The following TPD52 variants were observed in gnomAD, a reference collection of about 807,000 sequenced individuals.
The protein encoded by TPD52 is tumor protein D52, also known as prostate and colon associated protein.
TPD52 carries 17 observed loss-of-function variants against 31.3 expected under a neutral mutation model. The ratio of observed to expected loss-of-function variants is 0.54; its 90% CI spans 0.37 to 0.82. TPD52 has a LOEUF of 0.82. Among genes scored for constraint, TPD52 ranks in the 40% least tolerant of loss-of-function variants. The pLI is 0.00. For missense variants in TPD52, 212 were observed against 240.1 expected, an observed-to-expected ratio of 0.88 and a Z score of 0.77; for synonymous variants, 83 against 89.6, an observed-to-expected ratio of 0.93 and a Z score of 0.42.
intron 7 of TPD52, 143 bp from the exon 8 acceptor site, chr8:80,038,378 A>C: frequency 7.0e-6 from 6 of 851,160 alleles, no homozygotes; most frequent in South Asian, 5.7e-5. Flanking sequence ...TATGGAATTT[A>C]GTATTGTTGC....
At chr8:80,119,722 C>G in intron 1 of TPD52, 1 of 187,940 alleles carries the variant, frequency 5.3e-6, no homozygotes, top group South Asian at 8.0e-5. Flanking sequence ...TTTAAAACCA[C>G]ACAGTACTGG....
intron 1 of TPD52, among the ~76,000 whole-genome samples, chr8:80,081,229 T>C (rs1240223723): frequency 1.3e-5 from 2 of 151,076 alleles, no homozygotes; most frequent in East Asian, 3.9e-4. Context: ...GAATCTACTT[T>C]GAATGGAAAG....
intron 1 of TPD52, among the ~76,000 whole-genome samples, chr8:80,076,037 G>A (rs1026730733): frequency 2.0e-5 from 3 of 152,208 alleles, no homozygotes; most frequent in Non-Finnish European, 4.4e-5. Flanking sequence ...AAACTAAAAT[G>A]TCAGATTTTT....
chr8:80,122,270 C>A (rs1326662887), intron 1 of TPD52, among the ~76,000 whole-genome samples: 4 of 152,016 alleles, frequency 2.6e-5, no homozygotes, highest in Non-Finnish European at 5.9e-5. Flanking sequence ...GGATAAAGGG[C>A]AGAATGAGTA....
At chr8:80,101,269 G>T (rs990558929) in intron 1 of TPD52, among the ~76,000 whole-genome samples, 1 of 152,078 alleles carries the variant, frequency 6.6e-6, no homozygotes, top group Non-Finnish European at 1.5e-5. Flanking sequence ...CCAACATGGT[G>T]AAACCCCGTC....
chr8:80,120,494 G>GA (rs200013466), intron 1 of TPD52, among the ~76,000 whole-genome samples: 96 of 150,416 alleles, frequency 6.4e-4, no homozygotes, highest in African/African-American at 2.0e-3. Context: ...AAAAAGAAAA[G>GA]AAAAAAAAAG....
chr8:80,067,913 T>C (rs1813338170), intron 1 of TPD52, among the ~76,000 whole-genome samples: 1 of 151,810 alleles, frequency 6.6e-6, no homozygotes, highest in African/African-American at 2.4e-5. Flanking sequence ...AGTAATGGTA[T>C]AGGATTTAAT....
intron 6 of TPD52, 134 bp from the exon 7 acceptor site, chr8:80,042,802 T>A: frequency 1.4e-6 from 1 of 712,202 alleles, no homozygotes; most frequent in Non-Finnish European, 2.3e-6. Flanking sequence ...GTACCATATA[T>A]GTGCAGGTAC....
At chr8:80,121,927 T>C (rs1808285936) in intron 1 of TPD52, among the ~76,000 whole-genome samples, 1 of 148,264 alleles carries the variant, frequency 6.7e-6, no homozygotes, top group South Asian at 2.2e-4. Context: ...TCAAAAATTA[T>C]AATTATGTAA....
intron 1 of TPD52, chr8:80,127,513 C>A (rs1365257644): frequency 1.3e-5 from 2 of 152,110 alleles, no homozygotes; most frequent in African/African-American, 4.8e-5. Context: ...CTATAGAGCT[C>A]TTGGTTCTTT....
intron 1 of TPD52, among the ~76,000 whole-genome samples, chr8:80,118,786 C>T (rs1808047468): frequency 6.6e-6 from 1 of 152,106 alleles, no homozygotes; most frequent in Non-Finnish European, 1.5e-5. Flanking sequence ...GGTGACGATC[C>T]AGAGAAACAA....
intron 1 of TPD52, among the ~76,000 whole-genome samples, chr8:80,130,126 G>C (rs930225233): frequency 6.6e-6 from 1 of 152,204 alleles, no homozygotes; most frequent in Non-Finnish European, 1.5e-5. Context: ...TGCTCAGAGA[G>C]AGAAGACAAG....
chr8:80,108,548 CA>C (rs1807289003), intron 1 of TPD52, among the ~76,000 whole-genome samples: 1 of 152,018 alleles, frequency 6.6e-6, no homozygotes, highest in Admixed American at 6.6e-5. Context: ...AGCTATAGTC[CA>C]AAATTGCTTC....
At chr8:80,100,831 A>G (rs1806674713) in intron 1 of TPD52, among the ~76,000 whole-genome samples, 1 of 152,188 alleles carries the variant, frequency 6.6e-6, no homozygotes, top group African/African-American at 2.4e-5. Flanking sequence ...CAGGCCTTCA[A>G]TGATAGGATG....
chr8:80,163,973 AT>A (rs1424552445), intron 1 of TPD52, among the ~76,000 whole-genome samples: 1 of 150,710 alleles, frequency 6.6e-6, no homozygotes, highest in Non-Finnish European at 1.5e-5. Flanking sequence ...ATGAACATAT[AT>A]TGGGGTATTG....
At chr8:80,139,382 A>G (rs1809662595) in intron 1 of TPD52, among the ~76,000 whole-genome samples, 1 of 151,874 alleles carries the variant, frequency 6.6e-6, no homozygotes, top group Non-Finnish European at 1.5e-5. Context: ...AGAAACCCAC[A>G]TCCATCAGCA....
At chr8:80,155,209 A>C (rs1424545300) in intron 1 of TPD52, among the ~76,000 whole-genome samples, 1 of 152,150 alleles carries the variant, frequency 6.6e-6, no homozygotes, top group Non-Finnish European at 1.5e-5. Flanking sequence ...CCATGCTTGT[A>C]TAAAACAGCA....
intron 1 of TPD52, among the ~76,000 whole-genome samples, chr8:80,079,960 G>A (rs926282801): frequency 6.6e-6 from 1 of 152,144 alleles, no homozygotes; most frequent in South Asian, 2.1e-4. Context: ...GAAAAATCGG[G>A]AAAGTTGTCG....
chr8:80,082,938 C>G (rs1483075468), intron 1 of TPD52, among the ~76,000 whole-genome samples: 1 of 152,200 alleles, frequency 6.6e-6, no homozygotes, highest in Admixed American at 6.5e-5. Flanking sequence ...GACTTTTATG[C>G]AACATCCTGG....
Sources: gnomAD v4.1 joint callset for allele counts (sites outside exome capture counted in the v4.1 genomes callset) on GRCh38, gnomAD v4.1.1 for gene constraint, MANE v1.5 for transcripts, NCBI Gene and HGNC (gene_info 2026-07-23, HGNC 2026-07-21) for gene names.